The following SSBP3 variants were observed in gnomAD, a reference collection of about 807,000 sequenced individuals.
SSBP3 encodes single-stranded DNA-binding protein 3.
Under a neutral mutation model 69.6 loss-of-function variants are expected in SSBP3, and 5 were observed. The ratio of observed to expected loss-of-function variants is 0.07; its 90% CI spans 0.04 to 0.15. The LOEUF (loss-of-function observed/expected upper bound fraction) is 0.15, where lower values mean the gene tolerates loss of function less well. Ranked by LOEUF, SSBP3 falls within the 10% of genes least tolerant of loss-of-function variation. The pLI is 1.00. For synonymous variants in SSBP3, 196 were observed against 193.4 expected (o/e 1.01, Z -0.11); for missense variants, 312 against 534.0 (o/e 0.58, Z 4.10).
chr1:54,371,919 A>C (rs1048659194), intron 4 of SSBP3, among the ~76,000 whole-genome samples: 1 of 152,178 alleles, frequency 6.6e-6, no homozygotes, highest in Non-Finnish European at 1.5e-5. Flanking sequence ...CTCTCTGAGC[A>C]CATCTCATAC....
chr1:54,297,016 G>A (rs1028268924), intron 4 of SSBP3, among the ~76,000 whole-genome samples: 8 of 152,152 alleles, frequency 5.3e-5, no homozygotes, highest in African/African-American at 1.9e-4. Flanking sequence ...TTTTATATCC[G>A]ACCTATCTTG....
At chr1:54,358,062 G>A (rs773970039) in intron 4 of SSBP3, among the ~76,000 whole-genome samples, 8 of 152,178 alleles carry the variant, frequency 5.3e-5, no homozygotes, top group African/African-American at 1.4e-4. Context: ...CAGCATCTGG[G>A]ACAGGACAGG....
intron 4 of SSBP3, among the ~76,000 whole-genome samples, chr1:54,367,164 T>A (rs1647041687): frequency 6.6e-6 from 1 of 152,148 alleles, no homozygotes. Context: ...CTAGTCTACC[T>A]CCATAAGCCA....
intron 4 of SSBP3, among the ~76,000 whole-genome samples, chr1:54,358,960 G>A (rs908990345): frequency 4.6e-5 from 7 of 152,028 alleles, no homozygotes; most frequent in East Asian, 3.9e-4. Context: ...ACTCAAGAGC[G>A]TCTTCCACCC....
At chr1:54,293,432 C>A (rs2018903) in intron 4 of SSBP3, among the ~76,000 whole-genome samples, 2 of 151,982 alleles carry the variant, frequency 1.3e-5, no homozygotes, top group African/African-American at 4.8e-5. Context: ...CCATCCCCTA[C>A]TCATGCCACC....
intron 4 of SSBP3, among the ~76,000 whole-genome samples, chr1:54,306,729 C>T (rs894417933): frequency 5.9e-5 from 9 of 152,228 alleles, no homozygotes; most frequent in Non-Finnish European, 1.2e-4. Flanking sequence ...CAGGCCAGGC[C>T]TAGTGGCACA....
intron 11 of SSBP3, 56 bp from the exon 12 acceptor site, chr1:54,241,565 C>T: frequency 6.3e-7 from 1 of 1,579,264 alleles, no homozygotes; most frequent in Non-Finnish European, 8.7e-7. Context: ...CCCTCAGCTG[C>T]CAAACCTCCC....
At chr1:54,326,657 G>T (rs1646311073) in intron 4 of SSBP3, among the ~76,000 whole-genome samples, 1 of 152,102 alleles carries the variant, frequency 6.6e-6, no homozygotes, top group Non-Finnish European at 1.5e-5. Context: ...AGAGCATTCT[G>T]ACTCTAATAA....
Position 54,295,546 on chromosome 1 carries a change from C to T in SSBP3, c.277-14019G>A, listed in dbSNP as rs112232496. Among the ~76,000 whole-genome samples, 10 of 152,296 alleles carry T rather than the reference C, an allele frequency of 6.6e-5. 1 individual carries two copies. The highest frequency in any genetic ancestry group is 2.4e-4 in the African/African-American group (10 of 41,552). ...AGCACTGGATTTAGGGCAGGAGCTC[C>T]AGCTCTTGGGCTCCCTGACCAATTC... On this transcript the variant is annotated intron_variant, in intron 4 of 17. Transcript: ENST00000610401.
intron 9 of SSBP3, among the ~76,000 whole-genome samples, chr1:54,246,183 G>C (rs1334577080): frequency 6.6e-6 from 1 of 152,180 alleles, no homozygotes; most frequent in Non-Finnish European, 1.5e-5. Context: ...TAAGCCCTAG[G>C]AGGTGTGCAC....
At chr1:54,321,902 C>T (rs1274435639) in intron 4 of SSBP3, among the ~76,000 whole-genome samples, 2 of 152,212 alleles carry the variant, frequency 1.3e-5, no homozygotes, top group Non-Finnish European at 2.9e-5. Flanking sequence ...TGAGTAGAGG[C>T]ATGATGTTTT....
chr1:54,354,998 G>A (rs566003295), intron 4 of SSBP3, among the ~76,000 whole-genome samples: 4 of 152,288 alleles, frequency 2.6e-5, no homozygotes, highest in South Asian at 2.1e-4. Flanking sequence ...TACTGCCCTC[G>A]ACACAAGGTC....
At chr1:54,393,744 C>G (rs972201425) in intron 4 of SSBP3, among the ~76,000 whole-genome samples, 1 of 152,144 alleles carries the variant, frequency 6.6e-6, no homozygotes, top group Admixed American at 6.5e-5. Flanking sequence ...TCTTTATGAC[C>G]TTATAAAGGC....
intron 1 of SSBP3, chr1:54,405,447 GC>G (rs1381271922): frequency 1.9e-5 from 3 of 161,578 alleles, no homozygotes; most frequent in African/African-American, 7.2e-5. Context: ...AGGACGCGGA[GC>G]CGGTGACGAA....
At position 54,251,870 on chromosome 1, in the gene SSBP3, A is replaced by G; in HGVS notation, c.508-10T>C. 2 of 1,610,802 alleles carry G rather than the reference A, an allele frequency of 1.2e-6. No homozygotes were observed. Among genetic ancestry groups the G allele is most frequent in the Non-Finnish European group, 8.5e-7 (1 of 1,179,296 alleles). On this transcript the variant is annotated splice_polypyrimidine_tract_variant and intron_variant, in intron 7 of 17. Transcript: ENST00000610401. Reference sequence around the variant, plus strand: ...GAACTCCTCCCGGAGGCTGAAAGAGATGCAAGACACAAGCTGAGGAGCTGC... The same window carrying G: ...GAACTCCTCCCGGAGGCTGAAAGAGGTGCAAGACACAAGCTGAGGAGCTGC...
At chr1:54,382,958 C>G (rs1647778443) in intron 4 of SSBP3, among the ~76,000 whole-genome samples, 1 of 124,924 alleles carries the variant, frequency 8.0e-6, no homozygotes, top group African/African-American at 3.3e-5. Context: ...GCACTCCAGC[C>G]TGGGCAACAA....
intron 5 of SSBP3, among the ~76,000 whole-genome samples, chr1:54,277,640 T>C (rs1645313818): frequency 1.3e-5 from 2 of 152,226 alleles, no homozygotes; most frequent in Admixed American, 6.5e-5. Flanking sequence ...AAAAACACTA[T>C]GTAACTGAAA....
At chr1:54,336,131 T>G (rs1324295042) in intron 4 of SSBP3, among the ~76,000 whole-genome samples, 1 of 152,276 alleles carries the variant, frequency 6.6e-6, no homozygotes, top group Non-Finnish European at 1.5e-5. Flanking sequence ...CTCTGGATTC[T>G]TAGCCAGGGA....
intron 5 of SSBP3, among the ~76,000 whole-genome samples, chr1:54,274,476 C>A (rs1001182420): frequency 6.6e-6 from 1 of 152,134 alleles, no homozygotes; most frequent in Non-Finnish European, 1.5e-5. Context: ...GCTGGGCAGC[C>A]CCAGGTAAGG....
Sources: allele counts gnomAD v4.1 joint callset (sites outside exome capture counted in the v4.1 genomes callset), GRCh38; gene constraint gnomAD v4.1.1; transcripts MANE v1.5; gene names NCBI Gene and HGNC (gene_info 2026-07-23, HGNC 2026-07-21).